Variants in TBC1D4 observed in about 807,000 individuals in gnomAD.
TBC1D4 encodes TBC (Tre-2, BUB2, CDC16) domain-containing protein.
A neutral mutation model predicts 142.5 loss-of-function variants in TBC1D4; 121 were observed. That is an observed-to-expected ratio of 0.85 (90% CI 0.73 to 0.99). The LOEUF (loss-of-function observed/expected upper bound fraction) is 0.99, where lower values mean the gene tolerates loss of function less well. Ranked by LOEUF, TBC1D4 falls within the 50% of genes least tolerant of loss-of-function variation. TBC1D4 has a pLI of 0.00. For synonymous variants in TBC1D4, 630 were observed against 628.2 expected, an observed-to-expected ratio of 1.00 and a Z score of -0.04; for missense variants, 1,475 against 1,606.6, an observed-to-expected ratio of 0.92 and a Z score of 1.40.
chr13:75,457,766 G>A (rs36017242), intron 1 of TBC1D4, among the ~76,000 whole-genome samples: 4,899 of 152,230 alleles, frequency 0.032, 109 homozygotes, highest in Non-Finnish European at 0.048. Context: ...TAAGTCTGTG[G>A]TAAGGCTTAG....
intron 1 of TBC1D4, among the ~76,000 whole-genome samples, chr13:75,377,653 T>TTA (rs1883592222): frequency 6.7e-6 from 1 of 148,856 alleles, no homozygotes; most frequent in South Asian, 2.1e-4. Flanking sequence ...AAAATATATA[T>TTA]TATATATATA....
chr13:75,418,297 G>A (rs1886007962), intron 1 of TBC1D4, among the ~76,000 whole-genome samples: 1 of 152,140 alleles, frequency 6.6e-6, no homozygotes, highest in East Asian at 1.9e-4. Flanking sequence ...AAGAAAAATT[G>A]TAATCGAATG....
intron 3 of TBC1D4, among the ~76,000 whole-genome samples, chr13:75,356,739 T>G (rs1280606475): frequency 6.6e-6 from 1 of 152,214 alleles, no homozygotes; most frequent in African/African-American, 2.4e-5. Flanking sequence ...TTATAGACAC[T>G]CAAGCAGCCA....
At chr13:75,367,418 A>G (rs1346771085) in intron 1 of TBC1D4, among the ~76,000 whole-genome samples, 3 of 152,188 alleles carry the variant, frequency 2.0e-5, no homozygotes, top group Non-Finnish European at 4.4e-5. Flanking sequence ...ATATTTAAAC[A>G]AAAAAGAACT....
intron 1 of TBC1D4, 47 bp downstream of exon 1, chr13:75,481,222 AT>A: frequency 1.2e-6 from 1 of 815,178 alleles, no homozygotes; most frequent in Admixed American, 2.0e-5. Flanking sequence ...CTGCTCCCCG[AT>A]CCCCCAAGGC....
chr13:75,349,980 G>C (rs1317279882), intron 4 of TBC1D4, among the ~76,000 whole-genome samples: 1 of 152,020 alleles, frequency 6.6e-6, no homozygotes, highest in Non-Finnish European at 1.5e-5. Context: ...CTTCTTTTTT[G>C]TTCCTCCATG....
At chr13:75,384,190 CT>C (rs1884034212) in intron 1 of TBC1D4, among the ~76,000 whole-genome samples, 1 of 152,162 alleles carries the variant, frequency 6.6e-6, no homozygotes, top group Non-Finnish European at 1.5e-5. Context: ...AATCCTAACA[CT>C]TTGGGAGGCT....
intron 1 of TBC1D4, among the ~76,000 whole-genome samples, chr13:75,406,080 C>T (rs1453269845): frequency 6.6e-6 from 1 of 152,212 alleles, no homozygotes; most frequent in Non-Finnish European, 1.5e-5. Flanking sequence ...AATTCGTTCG[C>T]TCCGGCCTTT....
chr13:75,443,123 G>A (rs1420175241), intron 1 of TBC1D4, among the ~76,000 whole-genome samples: 2 of 152,204 alleles, frequency 1.3e-5, no homozygotes, highest in African/African-American at 4.8e-5. Context: ...GCCCCCAGCT[G>A]GATGCAGCCA....
intron 16 of TBC1D4, among the ~76,000 whole-genome samples, chr13:75,300,241 A>C (rs1474233224): frequency 6.6e-6 from 1 of 152,152 alleles, no homozygotes; most frequent in Non-Finnish European, 1.5e-5. Context: ...ATTTCAAATA[A>C]ATTCCCCTCT....
intron 8 of TBC1D4, among the ~76,000 whole-genome samples, chr13:75,331,921 A>T (rs1209467811): frequency 6.6e-6 from 1 of 151,806 alleles, no homozygotes; most frequent in African/African-American, 2.4e-5. Flanking sequence ...CAACATGGGG[A>T]GCTGCCAACC....
Position 75,286,839 on chromosome 13 carries a change from G to A in TBC1D4, c.3850C>T (p.Leu1284=), listed in dbSNP as rs11616741. 2 of 1,613,794 alleles carry A rather than the reference G, an allele frequency of 1.2e-6. No homozygotes were observed. The highest frequency in any genetic ancestry group is 1.7e-6 in the Non-Finnish European group (2 of 1,179,958). The part of the protein sequence containing the change: ...LVNCDLLLRD[L]NCNPNNKAKI... ...GCTTTGTTGTTAGGGTTGCAGTTTA[G>A]GTCTCTCAGCAACAGGTCACAATTG... Residue 1284 remains leucine, a synonymous_variant, in exon 21 of 21, where the codon CTA becomes TTA. Transcript: ENST00000377636.
intron 3 of TBC1D4, 24 bp downstream of exon 3, chr13:75,359,745 A>T (rs1385094168): frequency 1.9e-6 from 3 of 1,540,924 alleles, no homozygotes; most frequent in African/African-American, 1.4e-5. Context: ...CTCTTCACAT[A>T]CTATGATATA....
At chr13:75,387,960 T>C (rs891690505) in intron 1 of TBC1D4, among the ~76,000 whole-genome samples, 18 of 152,204 alleles carry the variant, frequency 1.2e-4, no homozygotes, top group Admixed American at 1.3e-4. Context: ...ACTGTGATAC[T>C]TACTGGAATC....
chr13:75,354,986 C>CATTTT (rs1207899239), intron 4 of TBC1D4, among the ~76,000 whole-genome samples: 1 of 152,090 alleles, frequency 6.6e-6, no homozygotes, highest in Non-Finnish European at 1.5e-5. Flanking sequence ...AAATGGAACC[C>CATTTT]TCTAGAATAG....
chr13:75,386,043 T>C (rs1436652074), intron 1 of TBC1D4, among the ~76,000 whole-genome samples: 1 of 152,178 alleles, frequency 6.6e-6, no homozygotes, highest in African/African-American at 2.4e-5. Flanking sequence ...ACATCATAAG[T>C]TTAATTGTAC....
At chr13:75,476,198 G>A (rs9573557) in intron 1 of TBC1D4, among the ~76,000 whole-genome samples, 35,331 of 151,982 alleles carry the variant, frequency 0.23, 4,371 homozygotes, top group Middle Eastern at 0.3. Flanking sequence ...AGCCGAGATC[G>A]CGCCACTGCA....
At chr13:75,456,228 G>A (rs1380482855) in intron 1 of TBC1D4, among the ~76,000 whole-genome samples, 2 of 152,164 alleles carry the variant, frequency 1.3e-5, no homozygotes, top group Non-Finnish European at 2.9e-5. Context: ...AAAGTGCTGA[G>A]CTAACAGAAA....
At chr13:75,463,159 C>T (rs1360374238) in intron 1 of TBC1D4, among the ~76,000 whole-genome samples, 1 of 136,402 alleles carries the variant, frequency 7.3e-6, no homozygotes, top group African/African-American at 2.8e-5. Flanking sequence ...CTGCAGAGAT[C>T]GAGTTTTCAC....
Sources: allele counts gnomAD v4.1 joint callset (sites outside exome capture counted in the v4.1 genomes callset), GRCh38; gene constraint gnomAD v4.1.1; transcripts MANE v1.5; gene names NCBI Gene and HGNC (gene_info 2026-07-23, HGNC 2026-07-21).